The following EFNA2 variants were observed in gnomAD, a reference collection of about 807,000 sequenced individuals.
EFNA2 encodes the protein ephrin-A2.
Under a neutral mutation model 19.7 loss-of-function variants are expected in EFNA2, and 18 were observed. The observed-to-expected ratio is 0.91, with a 90% CI of 0.63 to 1.35. The LOEUF is 1.35. EFNA2 is among the 40% of genes most tolerant of loss of function. The pLI, the probability that EFNA2 is intolerant of heterozygous loss-of-function variation, is 0.00. For missense variants in EFNA2, 303 were observed against 296.0 expected (o/e 1.02, Z -0.17); for synonymous variants, 187 against 137.8 (o/e 1.36, Z -2.50).
chr19:1,288,622 G>A (rs913878268), intron 1 of EFNA2, among the ~76,000 whole-genome samples: 13 of 152,064 alleles, frequency 8.5e-5, no homozygotes, highest in Non-Finnish European at 1.5e-4. Context: ...GTGCCGCAGC[G>A]TCGCCGGCCG....
chr19:1,293,957 G>A (rs947050940), intron 1 of EFNA2, among the ~76,000 whole-genome samples: 9 of 152,192 alleles, frequency 5.9e-5, no homozygotes, highest in South Asian at 2.1e-4. Flanking sequence ...CCTCTCTCTC[G>A]AGCTGCTGTG....
chr19:1,297,929 A>G lies in EFNA2; in HGVS notation c.455-622A>G, dbSNP rs2081523198. ...TCTACTAAAAATACAAAAATTAGCCAGGCATGGTGGCACACATTTGTAATC... is the reference window on the plus strand; with the variant it reads ...TCTACTAAAAATACAAAAATTAGCCGGGCATGGTGGCACACATTTGTAATC... On this transcript the variant is annotated intron_variant, in intron 2 of 3. Coordinates refer to ENST00000215368, the MANE Select transcript of EFNA2 (RefSeq NM_001405.4). The surrounding 1 kb of genome is among the most constrained non-coding windows in gnomAD (Gnocchi z 5.0). Among the ~76,000 whole-genome samples, 1 of 151,992 alleles carries G rather than the reference A, an allele frequency of 6.6e-6. No individual in the cohort carries two copies.
chr19:1,300,081 C>CCCG lies in EFNA2; in HGVS notation c.*140_*142dup. On this transcript the variant is annotated 3_prime_UTR_variant, in exon 4 of 4. Coordinates refer to ENST00000215368, the MANE Select transcript of EFNA2 (RefSeq NM_001405.4). The stretch of plus-strand genomic sequence containing the variant: ...TGCTTCTCCCTCGCCTGGTGCCGCC[C>CCCG]CCGCCGGGCAGGGGCCATCCACCCG... 3 of 1,281,504 alleles carry CCCG rather than the reference C, an allele frequency of 2.3e-6. No homozygotes were observed. The highest frequency in any genetic ancestry group is 3.1e-6 in the Non-Finnish European group (3 of 968,960). 79.4% of individuals were successfully genotyped at this position (1,281,504 alleles called of 1,614,324 possible).
At position 1,296,542 on chromosome 19, in the gene EFNA2, G is replaced by A. The variant is rs1304076228; in HGVS notation, c.454+684G>A. ...TAGCCAGGTGTGGTGGCATGGGCCT[G>A]TGGTCCCAGCTGTGCAGGGGGCTGA... On this transcript the variant is annotated intron_variant, in intron 2 of 3. Coordinates refer to ENST00000215368, the MANE Select transcript of EFNA2 (RefSeq NM_001405.4). The surrounding 1 kb of genome is among the most constrained non-coding windows in gnomAD (Gnocchi z 4.4). 1.3e-5 allele frequency among the ~76,000 whole-genome samples: 2 copies of A among 152,228 alleles called. No homozygotes were observed. The highest frequency in any genetic ancestry group is 3.2e-3 in the Middle Eastern group (1 of 316).
intron 3 of EFNA2, among the ~76,000 whole-genome samples, chr19:1,299,109 G>T (rs2081528746): frequency 6.6e-6 from 1 of 152,006 alleles, no homozygotes; most frequent in Non-Finnish European, 1.5e-5. Flanking sequence ...CTGGTGGCGG[G>T]CTCCTGTAAT....
Position 1,286,316 on chromosome 19 carries a change from C to G in EFNA2, c.140+8C>G, listed in dbSNP as rs772400313. ...GAACCGCAGCAACCCCAGGTGAGCG[C>G]GGCCGCGCGCGGGGGGCGCCCGGGG... On this transcript the variant is annotated splice_region_variant and intron_variant, in intron 1 of 3. Transcript: ENST00000215368. The surrounding 1 kb of genome is among the most constrained non-coding windows in gnomAD (Gnocchi z 5.6). 128 of 991,216 alleles carry G rather than the reference C, an allele frequency of 1.3e-4. No individual in the cohort carries two copies. Among genetic ancestry groups the G allele is most frequent in the South Asian group, 5.7e-4 (13 of 22,874 alleles). 61.4% of individuals were successfully genotyped at this position (991,216 alleles called of 1,614,324 possible).
chr19:1,293,700 G>A (rs2081501728), intron 1 of EFNA2, among the ~76,000 whole-genome samples: 1 of 152,270 alleles, frequency 6.6e-6, no homozygotes, highest in Admixed American at 6.5e-5. Context: ...GAAGCTCTCT[G>A]TCCCTGGACG....
rs190199398 is a variant in EFNA2, at chr19:1,286,836, C to G, written c.140+528C>G. On this transcript the variant is annotated intron_variant, in intron 1 of 3. Transcript: ENST00000215368. The surrounding 1 kb of genome is among the most constrained non-coding windows in gnomAD (Gnocchi z 5.6). ...GTGTCCCTCCCTCAGGACCCAGCAT[C>G]TGCTTCACTCCAGGGGGCCAAGGGC... Among the ~76,000 whole-genome samples, 278 of 152,348 alleles carry G rather than the reference C, an allele frequency of 1.8e-3. 1 individual carries two copies. The highest frequency in any genetic ancestry group is 4.2e-3 in the Admixed American group (65 of 15,310).
chr19:1,290,411 C>T (rs924810375), intron 1 of EFNA2, among the ~76,000 whole-genome samples: 2 of 152,198 alleles, frequency 1.3e-5, no homozygotes, highest in East Asian at 1.9e-4. Flanking sequence ...ACAGAGGTTC[C>T]GTGGCGGGGG....
intron 1 of EFNA2, among the ~76,000 whole-genome samples, chr19:1,289,601 G>A (rs2081481980): frequency 6.6e-6 from 1 of 152,222 alleles, no homozygotes; most frequent in Admixed American, 6.5e-5. Flanking sequence ...TTGGAAATCT[G>A]CAGCCTTGGG....
chr19:1,295,936 CA>C lies in EFNA2; in HGVS notation c.454+79del, dbSNP rs1202818494. The C allele has an allele frequency of 1.5e-5, 19 of 1,268,840 alleles. No individual in the cohort carries two copies. The highest frequency in any genetic ancestry group is 2.0e-5 in the Non-Finnish European group (19 of 950,444). The allele number at this position is 1,268,840 out of a possible 1,614,324, so 78.6% of individuals were successfully genotyped here. A position where few individuals can be genotyped will look rare whatever the true frequency, so the allele number is the denominator to read the frequency against. On this transcript the variant is annotated intron_variant, in intron 2 of 3. Coordinates refer to ENST00000215368, the MANE Select transcript of EFNA2 (RefSeq NM_001405.4). The surrounding 1 kb of genome is among the most constrained non-coding windows in gnomAD (Gnocchi z 5.8). ...GGCGGGGCCAGGAAGTGGGCGGGAC[CA>C]CTGGGGTGGGGCCGGGGAGTGGGCG... is the stretch of plus-strand genomic sequence containing the variant.
intron 1 of EFNA2, among the ~76,000 whole-genome samples, chr19:1,292,561 G>A (rs2081496474): frequency 6.6e-6 from 1 of 152,208 alleles, no homozygotes. Context: ...CAGCACTGCA[G>A]GCAGTGGGAA....
intron 3 of EFNA2, among the ~76,000 whole-genome samples, chr19:1,299,349 G>A (rs1325892208): frequency 1.3e-5 from 2 of 152,214 alleles, no homozygotes; most frequent in Non-Finnish European, 2.9e-5. Context: ...CCAAGGTCAA[G>A]AGATGGAGAC....
In EFNA2 at chr19:1,294,728, G is replaced by A. The variant is rs962303750; in HGVS notation, c.141-817G>A. Among the ~76,000 whole-genome samples the A allele has an allele frequency of 5.3e-5, 8 of 152,008 alleles. No individual in the cohort carries two copies. In the Middle Eastern group the frequency reaches 0.01, roughly 194 times the overall value. ...AGAGGAGGGTGGAGGGATTCTTCAC[G>A]CCAAGCTCCGTTCTCTTTGGGGAAA... On this transcript the variant is annotated intron_variant, in intron 1 of 3. Coordinates refer to ENST00000215368, the MANE Select transcript of EFNA2 (RefSeq NM_001405.4). This position sits in a 1 kb window ranked among gnomAD's most constrained non-coding sequence, Gnocchi z 5.8.
Position 1,299,233 on chromosome 19 carries a change from G to A in EFNA2, c.521-591G>A, listed in dbSNP as rs117971485. 2.0e-4 allele frequency among the ~76,000 whole-genome samples: 30 copies of A among 150,124 alleles called. No individual in the cohort carries two copies. In the East Asian group the frequency reaches 5.4e-3, roughly 27 times the overall value. ...AGTCTGGGTGATATAGCAAGACTGC[G>A]TCTAAAAAATAAAATAAAATAAAAA... is the stretch of plus-strand genomic sequence containing the variant. On this transcript the variant is annotated intron_variant, in intron 3 of 3. Coordinates refer to ENST00000215368, the MANE Select transcript of EFNA2 (RefSeq NM_001405.4).
Position 1,300,971 on chromosome 19 carries a change from T to TGG in EFNA2, c.*1032_*1033dup, listed in dbSNP as rs34109954. On this transcript the variant is annotated 3_prime_UTR_variant, in exon 4 of 4. Transcript: ENST00000215368. Reference sequence around the variant, plus strand: ...CTTCATAGGGGGTCTTTTATTTTGGTGGGGGGGTGGGGTGGACTTTTAGAG... The same window carrying TGG: ...CTTCATAGGGGGTCTTTTATTTTGGTGGGGGGGGGTGGGGTGGACTTTTAGAG... Among the ~76,000 whole-genome samples the TGG allele has an allele frequency of 4.2e-3, 609 of 145,940 alleles. 7 individuals are homozygous for TGG. Among genetic ancestry groups the TGG allele is most frequent in the African/African-American group, 0.014 (572 of 39,696 alleles).
At chr19:1,288,999 C>G (rs560939776) in intron 1 of EFNA2, among the ~76,000 whole-genome samples, 2 of 152,246 alleles carry the variant, frequency 1.3e-5, no homozygotes, top group Non-Finnish European at 2.9e-5. Flanking sequence ...CCTCACCTGT[C>G]CTGGCCACAA....
In EFNA2 at chr19:1,295,414, C is replaced by A; in HGVS notation, c.141-131C>A. 1.0e-6 allele frequency: 1 copy of A among 969,028 alleles called. No homozygotes were observed. The highest frequency in any genetic ancestry group is 1.5e-6 in the Non-Finnish European group (1 of 688,446). 60.0% of individuals were successfully genotyped at this position (969,028 alleles called of 1,614,324 possible). A position where few individuals can be genotyped will look rare whatever the true frequency, so the allele number is the denominator to read the frequency against. On this transcript the variant is annotated intron_variant, in intron 1 of 3. Coordinates refer to ENST00000215368, the MANE Select transcript of EFNA2 (RefSeq NM_001405.4). This position sits in a 1 kb window ranked among gnomAD's most constrained non-coding sequence, Gnocchi z 5.8. ...CTGACCCGTCCCCCGTGCTCCTGAC[C>A]CCGGCCCTCGCCGCGCACCCCGACC...
At chr19:1,293,198 C>CCAGG (rs2081499209) in intron 1 of EFNA2, among the ~76,000 whole-genome samples, 1 of 152,196 alleles carries the variant, frequency 6.6e-6, no homozygotes, top group South Asian at 2.1e-4. Flanking sequence ...GTGGGCAGTC[C>CCAGG]CAGGCGGGAG....
Sources: allele counts gnomAD v4.1 joint callset (sites outside exome capture counted in the v4.1 genomes callset), GRCh38; gene constraint gnomAD v4.1.1; non-coding constraint Gnocchi (gnomAD v3.1); transcripts MANE v1.5; gene names NCBI Gene and HGNC (gene_info 2026-07-23, HGNC 2026-07-21).